The following PLEKHM2 variants were observed in gnomAD, a reference collection of about 807,000 sequenced individuals.
PLEKHM2 encodes the protein pleckstrin homology and RUN domain containing M2.
In PLEKHM2, 77 loss-of-function variants were observed where a neutral mutation model predicts 116.3. The observed-to-expected ratio is 0.66, with a 90% CI of 0.55 to 0.80. The LOEUF (loss-of-function observed/expected upper bound fraction) is 0.80. PLEKHM2 is among the 30% of genes least tolerant of loss of function. PLEKHM2 has a pLI of 0.00. For missense variants in PLEKHM2, 1,183 were observed against 1,354.9 expected, an observed-to-expected ratio of 0.87 and a Z score of 1.99; for synonymous variants, 562 against 571.0, an observed-to-expected ratio of 0.98 and a Z score of 0.22.
At chr1:15,718,421 C>T in intron 4 of PLEKHM2, 117 bp from the exon 5 acceptor site, 1 of 676,670 alleles carries the variant, frequency 1.5e-6, no homozygotes, top group Non-Finnish European at 2.7e-6. Flanking sequence ...AAGCTGGGTG[C>T]CGTCCAAGGT....
At chr1:15,708,789 G>T (rs964704034) in intron 1 of PLEKHM2, among the ~76,000 whole-genome samples, 1 of 152,104 alleles carries the variant, frequency 6.6e-6, no homozygotes, top group African/African-American at 2.4e-5. Flanking sequence ...GAAAAGACCT[G>T]GGTTTAAAAT....
chr1:15,717,108 G>A (rs1055561128), intron 3 of PLEKHM2, among the ~76,000 whole-genome samples: 1 of 152,144 alleles, frequency 6.6e-6, no homozygotes, highest in African/African-American at 2.4e-5. Flanking sequence ...AATATTACAT[G>A]GATGTCTTGG....
chr1:15,703,087 G>T (rs1641150895), intron 1 of PLEKHM2, among the ~76,000 whole-genome samples: 1 of 152,186 alleles, frequency 6.6e-6, no homozygotes, highest in African/African-American at 2.4e-5. Flanking sequence ...TCCTGCTGAG[G>T]CTCTTCCAAA....
chr1:15,730,685 G>A lies in PLEKHM2; in HGVS notation c.2362G>A (p.Gly788Ser), dbSNP rs1263560783. 2 of 1,608,802 alleles carry A rather than the reference G, an allele frequency of 1.2e-6. No individual in the cohort carries two copies. The highest frequency in any genetic ancestry group is 2.2e-5 in the South Asian group (2 of 89,988). The change falls in exon 15 of 20, where the codon GGC (glycine) becomes AGC (serine). Residue 788 changes from glycine (G) to serine (S), a missense_variant. Transcript: ENST00000375799. ...CTACAAGGCGGGCACCTCCTACCTG[G>A]GCAAGGAACACTGGAAGACGTGCTT... ...LHYKAGTSYL[G>S]KEHWKTCFVV...
rs1272658800 is a variant in PLEKHM2, at chr1:15,733,838, G to C, written c.2964G>C (p.Lys988Asn). 6.2e-7 allele frequency: 1 copy of C among 1,613,114 alleles called. No homozygotes were observed. ...PHTAIQEASN[K>N]KKFEDALSLI... ...CGGCGATCCAGGAAGCCTCCAACAA[G>C]AAGAAATTCGAGGATGCCTTGAGCC... The change falls in exon 20 of 20, where the codon AAG becomes AAC. Residue 988 changes from lysine (K) to asparagine (N), a missense_variant. Transcript: ENST00000375799.
At chr1:15,732,299 G>T (rs2068155671) in intron 17 of PLEKHM2, 51 bp from the exon 18 acceptor site, 2 of 1,446,168 alleles carry the variant, frequency 1.4e-6, no homozygotes, top group Admixed American at 2.1e-5. Flanking sequence ...GACTTCTGGT[G>T]CAGACCAGCC....
At chr1:15,724,408 G>A (rs1304704113) in intron 7 of PLEKHM2, among the ~76,000 whole-genome samples, 3 of 152,076 alleles carry the variant, frequency 2.0e-5, no homozygotes, top group East Asian at 1.9e-4. Context: ...ACTTGAACCC[G>A]GGAGTTGGAG....
chr1:15,685,193 T>C (rs1421375300), intron 1 of PLEKHM2, among the ~76,000 whole-genome samples: 4 of 152,168 alleles, frequency 2.6e-5, no homozygotes, highest in African/African-American at 9.7e-5. Flanking sequence ...GGGATTGCAT[T>C]TTGGATGCTG....
chr1:15,725,715 G>A (rs1306597303), intron 8 of PLEKHM2, 170 bp downstream of exon 8: 2 of 604,906 alleles, frequency 3.3e-6, no homozygotes, highest in Non-Finnish European at 5.9e-6. Context: ...AGGAAGTGGA[G>A]GCCTGTCCTA....
rs1640718772 is a variant in PLEKHM2 at position 15,684,500 on chromosome 1, AGCGGCGGCGGG to A, written c.-48_-38del. On this transcript the variant is annotated 5_prime_UTR_variant, in exon 1 of 20. Coordinates refer to ENST00000375799, the MANE Select transcript of PLEKHM2 (RefSeq NM_015164.4). ...GCGGCCCCCGGCCCCCGGCGCGGGA[AGCGGCGGCGGG>A]GCGGCGGCGGCGGTGGCGGTGGCGG... 8.8e-6 allele frequency: 8 copies of A among 908,322 alleles called. No homozygotes were observed. Among genetic ancestry groups the A allele is most frequent in the Non-Finnish European group, 1.0e-5 (8 of 772,216 alleles). 56.3% of individuals were successfully genotyped at this position (908,322 alleles called of 1,614,324 possible).
At chr1:15,694,456 C>G (rs529602700) in intron 1 of PLEKHM2, among the ~76,000 whole-genome samples, 1 of 152,256 alleles carries the variant, frequency 6.6e-6, no homozygotes, top group Non-Finnish European at 1.5e-5. Flanking sequence ...GCCCCGAGCT[C>G]TCCTCCTTGA....
In PLEKHM2 at chr1:15,712,745, A is replaced by G. The variant is rs1424037033; in HGVS notation, c.61-3492A>G. Among the ~76,000 whole-genome samples the G allele has an allele frequency of 6.7e-4, 7 of 10,474 alleles. 1 individual carries two copies. Among genetic ancestry groups the G allele is most frequent in the African/African-American group, 3.1e-3 (7 of 2,250 alleles). 6.9% of individuals were successfully genotyped at this position (10,474 alleles called of 152,430 possible). A position where few individuals can be genotyped will look rare whatever the true frequency, so the allele number is the denominator to read the frequency against. Reference sequence around the variant, plus strand: ...AACCTTGAACTCCTGGGCTCAAGGGATACCTCCCCCTGACCCTGCCTCAGC... The same window carrying G: ...AACCTTGAACTCCTGGGCTCAAGGGGTACCTCCCCCTGACCCTGCCTCAGC... On this transcript the variant is annotated intron_variant, in intron 1 of 19. Coordinates refer to ENST00000375799, the MANE Select transcript of PLEKHM2 (RefSeq NM_015164.4).
intron 1 of PLEKHM2, among the ~76,000 whole-genome samples, chr1:15,687,996 C>T (rs1213998589): frequency 6.6e-6 from 1 of 152,200 alleles, no homozygotes; most frequent in Non-Finnish European, 1.5e-5. Flanking sequence ...GAAAATGAAG[C>T]ATGCCTACAG....
Position 15,728,870 on chromosome 1 carries a change from C to T in PLEKHM2, c.1986+137C>T. On this transcript the variant is annotated intron_variant, in intron 12 of 19. Coordinates refer to ENST00000375799, the MANE Select transcript of PLEKHM2 (RefSeq NM_015164.4). The surrounding 1 kb of genome is among the most constrained non-coding windows in gnomAD (Gnocchi z 5.9). ...GGCACCAACTTAACTCTCAGAGAGG[C>T]TTCTGTACACGATGCTGGGGGTAAG... The T allele has an allele frequency of 1.2e-6, 1 of 853,446 alleles. No homozygotes were observed. Among genetic ancestry groups the T allele is most frequent in the Non-Finnish European group, 1.9e-6 (1 of 530,572 alleles). 52.9% of individuals were successfully genotyped at this position (853,446 alleles called of 1,614,324 possible). A position where few individuals can be genotyped will look rare whatever the true frequency, so the allele number is the denominator to read the frequency against.
intron 1 of PLEKHM2, among the ~76,000 whole-genome samples, chr1:15,707,905 A>G (rs1348373108): frequency 6.6e-6 from 1 of 152,144 alleles, no homozygotes; most frequent in Non-Finnish European, 1.5e-5. Context: ...TTTTTTTGAG[A>G]TGGAGTCTCG....
At chr1:15,716,574 G>A (rs368477549) in intron 2 of PLEKHM2, 133 bp from the exon 3 acceptor site, 1 of 806,498 alleles carries the variant, frequency 1.2e-6, no homozygotes. Context: ...ATGGTGTGAA[G>A]GTGTGCTGGG....
At chr1:15,706,757 C>G (rs1208328949) in intron 1 of PLEKHM2, among the ~76,000 whole-genome samples, 1 of 152,032 alleles carries the variant, frequency 6.6e-6, no homozygotes, top group East Asian at 1.9e-4. Flanking sequence ...AACAGATTTC[C>G]ACACCCTGCT....
At chr1:15,713,802 A>AT (rs1385725238) in intron 1 of PLEKHM2, among the ~76,000 whole-genome samples, 4 of 150,988 alleles carry the variant, frequency 2.6e-5, no homozygotes, top group Non-Finnish European at 5.9e-5. Flanking sequence ...CGCCCGGCTA[A>AT]TTTTTTGCAT....
intron 1 of PLEKHM2, among the ~76,000 whole-genome samples, chr1:15,694,625 T>C (rs1447030675): frequency 2.0e-5 from 3 of 152,200 alleles, no homozygotes; most frequent in East Asian, 1.9e-4. Context: ...CCGCGGGAGA[T>C]TAAAGTTTAG....
Sources: gnomAD v4.1 joint callset for allele counts (sites outside exome capture counted in the v4.1 genomes callset) on GRCh38, gnomAD v4.1.1 for gene constraint, Gnocchi (gnomAD v3.1) non-coding constraint, MANE v1.5 for transcripts, NCBI Gene and HGNC (gene_info 2026-07-23, HGNC 2026-07-21) for gene names.